Variants in GRB14 observed in about 807,000 individuals in gnomAD.
GRB14 encodes growth factor receptor bound protein 14.
GRB14 carries 38 observed loss-of-function variants against 69.1 expected under a neutral mutation model. That is an observed-to-expected ratio of 0.55 (90% CI 0.42 to 0.72). The LOEUF is 0.72. GRB14 is among the 30% of genes least tolerant of loss of function. The pLI is 0.00. For missense variants in GRB14, 666 were observed against 666.1 expected (o/e 1.00, Z 0.00); for synonymous variants, 247 against 241.3 (o/e 1.02, Z -0.22).
At chr2:164,567,539 C>T (rs1689007759) in intron 2 of GRB14, among the ~76,000 whole-genome samples, 1 of 152,066 alleles carries the variant, frequency 6.6e-6, no homozygotes, top group South Asian at 2.1e-4. Context: ...AGTTTTAGTG[C>T]CTTCCTTCTC....
chr2:164,580,475 T>G (rs891029985), intron 2 of GRB14, among the ~76,000 whole-genome samples: 5 of 148,750 alleles, frequency 3.4e-5, no homozygotes, highest in Non-Finnish European at 7.4e-5. Context: ...GAGGCCAAGG[T>G]GGGTGTATAA....
At chr2:164,535,138 A>T (rs1688048420) in intron 3 of GRB14, among the ~76,000 whole-genome samples, 1 of 152,170 alleles carries the variant, frequency 6.6e-6, no homozygotes, top group African/African-American at 2.4e-5. Context: ...AGGCTTTTTC[A>T]AAACAAAAAC....
At chr2:164,494,107 A>G (rs1319396653) in intron 13 of GRB14, among the ~76,000 whole-genome samples, 1 of 152,234 alleles carries the variant, frequency 6.6e-6, no homozygotes, top group East Asian at 1.9e-4. Flanking sequence ...ATGTTTTCTA[A>G]AGAGCCGTTA....
intron 2 of GRB14, among the ~76,000 whole-genome samples, chr2:164,557,387 C>A (rs996914199): frequency 1.3e-5 from 2 of 152,036 alleles, no homozygotes; most frequent in Admixed American, 6.6e-5. Flanking sequence ...TGATGGGTAG[C>A]TTTTTAAAAA....
At chr2:164,552,933 G>T (rs559404411) in intron 2 of GRB14, among the ~76,000 whole-genome samples, 2 of 152,086 alleles carry the variant, frequency 1.3e-5, no homozygotes, top group Non-Finnish European at 2.9e-5. Flanking sequence ...ACCAACTCTG[G>T]GACTGCTCTT....
intron 3 of GRB14, among the ~76,000 whole-genome samples, chr2:164,527,679 AG>A (rs1687817968): frequency 6.6e-6 from 1 of 152,040 alleles, no homozygotes; most frequent in South Asian, 2.1e-4. Flanking sequence ...AAGAAGATAC[AG>A]GTTTTTTTTA....
At chr2:164,506,592 A>G (rs1192610915) in intron 8 of GRB14, among the ~76,000 whole-genome samples, 1 of 152,172 alleles carries the variant, frequency 6.6e-6, no homozygotes, top group Non-Finnish European at 1.5e-5. Context: ...TACAATAAGC[A>G]ATTTCATTAC....
intron 1 of GRB14, among the ~76,000 whole-genome samples, chr2:164,620,826 A>G (rs10173531): frequency 0.1 from 15,559 of 152,182 alleles, 876 homozygotes; most frequent in Middle Eastern, 0.14. Context: ...ATGCATGGCC[A>G]CGAAGGAACA....
At position 164,494,486 on chromosome 2, in the gene GRB14, G is replaced by T; in HGVS notation, c.1421C>A (p.Thr474Asn). Reference protein sequence around the residue: ...LVRDSQSNPKTFVLSMSHGQK... With the variant: ...LVRDSQSNPKNFVLSMSHGQK... ...TCCATGACTCATTGACAGTACGAAAGTTTTGGGGTTACTCTGACTATCCCG... is the reference window on the plus strand; with the variant it reads ...TCCATGACTCATTGACAGTACGAAATTTTTGGGGTTACTCTGACTATCCCG... Residue 474 changes from threonine (T) to asparagine (N), a missense_variant, in exon 13 of 14, where the codon ACT becomes AAT. Coordinates refer to ENST00000263915, the MANE Select transcript of GRB14 (RefSeq NM_004490.3). 1 of 1,603,062 alleles carries T rather than the reference G, an allele frequency of 6.2e-7. No homozygotes were observed. Among genetic ancestry groups the T allele is most frequent in the Non-Finnish European group, 8.5e-7 (1 of 1,170,084 alleles).
Position 164,528,662 on chromosome 2 carries a change from CCTT to C in GRB14, c.482-1530_482-1528del, listed in dbSNP as rs142912297. Reference sequence around the variant, plus strand: ...ATCCCATCGACTGGCTCCACTAGCTCCTTCTCCTCCTACAATCTTGGTTCAACT... The same window carrying C: ...ATCCCATCGACTGGCTCCACTAGCTCCTCCTCCTACAATCTTGGTTCAACT... On this transcript the variant is annotated intron_variant, in intron 3 of 13. Transcript: ENST00000263915. 1.4e-3 allele frequency among the ~76,000 whole-genome samples: 207 copies of C among 152,148 alleles called. 7 individuals carry two copies. In the East Asian group the frequency reaches 0.033, roughly 24 times the overall value.
intron 3 of GRB14, among the ~76,000 whole-genome samples, chr2:164,538,101 G>A (rs1032955582): frequency 2.0e-5 from 3 of 151,886 alleles, no homozygotes; most frequent in African/African-American, 7.3e-5. Context: ...CGATCACGTG[G>A]GCATAGCTGC....
At chr2:164,580,069 A>G (rs57793166) in intron 2 of GRB14, among the ~76,000 whole-genome samples, 71,212 of 151,162 alleles carry the variant, frequency 0.47, 18,094 homozygotes, top group Non-Finnish European at 0.56. Flanking sequence ...CTTCTGATCA[A>G]TTATTTCTAG....
chr2:164,581,333 G>A (rs1689399165), intron 2 of GRB14, among the ~76,000 whole-genome samples: 1 of 152,120 alleles, frequency 6.6e-6, no homozygotes. Flanking sequence ...GTCCTGATCA[G>A]GGAAGATTAC....
intron 6 of GRB14, among the ~76,000 whole-genome samples, chr2:164,511,022 A>T (rs1687325556): frequency 6.6e-6 from 1 of 152,102 alleles, no homozygotes; most frequent in Non-Finnish European, 1.5e-5. Flanking sequence ...GCAAAACCGA[A>T]CTGAACTCAG....
At chr2:164,607,391 G>C (rs931331639) in intron 2 of GRB14, among the ~76,000 whole-genome samples, 26 of 152,182 alleles carry the variant, frequency 1.7e-4, no homozygotes, top group Admixed American at 1.3e-4. Context: ...TTAACAAATA[G>C]TTCCTGTCTT....
chr2:164,591,154 C>T (rs1689653214), intron 2 of GRB14, among the ~76,000 whole-genome samples: 1 of 152,152 alleles, frequency 6.6e-6, no homozygotes, highest in Non-Finnish European at 1.5e-5. Flanking sequence ...AATACTCTTC[C>T]ACATCAATCA....
At chr2:164,544,648 C>T (rs1428772069) in intron 3 of GRB14, among the ~76,000 whole-genome samples, 2 of 152,134 alleles carry the variant, frequency 1.3e-5, no homozygotes, top group African/African-American at 4.8e-5. Flanking sequence ...GTCATATTGG[C>T]CAGTATGACA....
At position 164,492,757 on chromosome 2, in the gene GRB14, T is replaced by C. The variant is rs1037325390; in HGVS notation, c.*279A>G. 1 of 255,108 alleles carries C rather than the reference T, an allele frequency of 3.9e-6. No homozygotes were observed. The highest frequency in any genetic ancestry group is 7.4e-6 in the Non-Finnish European group (1 of 136,006). The allele number at this position is 255,108 out of a possible 1,614,324, so 15.8% of individuals were successfully genotyped here. On this transcript the variant is annotated 3_prime_UTR_variant, in exon 14 of 14. Transcript: ENST00000263915. ...AAATAAGGGAGACATGTTTTAAATA[T>C]GCATATTTGAAGAAAATATTATAGC...
intron 9 of GRB14, among the ~76,000 whole-genome samples, chr2:164,498,757 T>C (rs930260195): frequency 6.6e-6 from 1 of 152,190 alleles, no homozygotes; most frequent in African/African-American, 2.4e-5. Flanking sequence ...CAAAACCTTA[T>C]CCACAGATAA....
Sources: gnomAD v4.1 joint callset for allele counts (sites outside exome capture counted in the v4.1 genomes callset) on GRCh38, gnomAD v4.1.1 for gene constraint, MANE v1.5 for transcripts, NCBI Gene and HGNC (gene_info 2026-07-23, HGNC 2026-07-21) for gene names.